The following RBM44 variants were observed in gnomAD, a reference collection of about 807,000 sequenced individuals.
The protein encoded by RBM44 is RNA-binding protein 44.
A neutral mutation model predicts 105.1 loss-of-function variants in RBM44; 66 were observed. The observed-to-expected ratio is 0.63, with a 90% CI of 0.52 to 0.77. The LOEUF is 0.77. Ranked by LOEUF, RBM44 falls within the 30% of genes least tolerant of loss-of-function variation. The pLI, the probability that RBM44 is intolerant of heterozygous loss-of-function variation, is 0.00. For missense variants in RBM44, 1,122 were observed against 1,207.8 expected, an observed-to-expected ratio of 0.93 and a Z score of 1.05; for synonymous variants, 365 against 417.6, an observed-to-expected ratio of 0.87 and a Z score of 1.54.
intron 1 of RBM44, among the ~76,000 whole-genome samples, chr2:237,804,513 G>A (rs981307804): frequency 6.6e-6 from 1 of 152,144 alleles, no homozygotes; most frequent in Non-Finnish European, 1.5e-5. Flanking sequence ...TTACATTGTG[G>A]TTTTGATTTG....
intron 8 of RBM44, among the ~76,000 whole-genome samples, chr2:237,823,064 G>A (rs1258568948): frequency 1.3e-5 from 2 of 151,462 alleles, no homozygotes; most frequent in Non-Finnish European, 1.5e-5. Flanking sequence ...ATAAGCATAC[G>A]CTAAATTAAA....
intron 15 of RBM44, among the ~76,000 whole-genome samples, chr2:237,838,441 A>G (rs549958744): frequency 6.6e-6 from 1 of 152,266 alleles, no homozygotes; most frequent in African/African-American, 2.4e-5. Context: ...TCAGAGGTAC[A>G]GGAGACATGA....
intron 14 of RBM44, 38 bp from the exon 15 acceptor site, chr2:237,834,239 GA>G: frequency 6.5e-7 from 1 of 1,540,342 alleles, no homozygotes; most frequent in Non-Finnish European, 8.8e-7. Flanking sequence ...TATTCCTTTG[GA>G]AAAGACAAAT....
intron 15 of RBM44, among the ~76,000 whole-genome samples, chr2:237,839,337 G>A (rs1188281468): frequency 1.3e-5 from 2 of 152,010 alleles, no homozygotes; most frequent in African/African-American, 2.4e-5. Flanking sequence ...ACAATGGCGC[G>A]ATCTCAGCTC....
chr2:237,804,732 C>T (rs908039738), intron 1 of RBM44, among the ~76,000 whole-genome samples: 1 of 152,124 alleles, frequency 6.6e-6, no homozygotes, highest in Non-Finnish European at 1.5e-5. Flanking sequence ...AAATATCTTC[C>T]CCCATTCTAT....
chr2:237,824,788 G>T (rs1427017351), intron 10 of RBM44, among the ~76,000 whole-genome samples: 2 of 152,076 alleles, frequency 1.3e-5, no homozygotes, highest in African/African-American at 4.8e-5. Context: ...TGTCAAATTG[G>T]TGTTAATGAT....
rs781117661 is a variant in RBM44 at position 237,820,342 on chromosome 2, G to A, written c.1904G>A (p.Gly635Glu). 3 of 1,569,736 alleles carry A rather than the reference G, an allele frequency of 1.9e-6. No homozygotes were observed. The highest frequency in any genetic ancestry group is 2.6e-6 in the Non-Finnish European group (3 of 1,152,674). Residue 635 changes from glycine (G) to glutamate (E), a missense_variant, in exon 5 of 16, where the codon GGA (glycine) becomes GAA (glutamate). Around this residue, in one of 3 missense-constraint regions of RBM44, gnomAD observed 918 missense variants for 955.3 expected, o/e 0.96. Transcript: ENST00000316997. ...AAACTTGTCATGGAAAATAGGGAAG[G>A]ATTAAATATGTGTTTATTAATTTCA... is the stretch of plus-strand genomic sequence containing the variant. ...IYKLVMENREGLNMNLSSNSA... is the reference protein window; with the variant it reads ...IYKLVMENREELNMNLSSNSA...
chr2:237,801,210 A>G (rs186830733), intron 1 of RBM44, among the ~76,000 whole-genome samples: 63 of 152,202 alleles, frequency 4.1e-4, no homozygotes, highest in African/African-American at 1.4e-3. Flanking sequence ...TAGTTCAGCC[A>G]TTTGGGAGGC....
At chr2:237,830,421 G>C (rs1328744675) in intron 13 of RBM44, among the ~76,000 whole-genome samples, 2 of 151,854 alleles carry the variant, frequency 1.3e-5, no homozygotes, top group Non-Finnish European at 2.9e-5. Context: ...TCCCTTAACA[G>C]TGTCTTTCTC....
At position 237,841,846 on chromosome 2, in the gene RBM44, T is replaced by A. The variant is rs1366625223; in HGVS notation, c.*30T>A. The A allele has an allele frequency of 6.6e-6, 1 of 152,188 alleles. No homozygotes were observed. Among genetic ancestry groups the A allele is most frequent in the East Asian group, 1.9e-4 (1 of 5,202 alleles). 9.4% of individuals were successfully genotyped at this position (152,188 alleles called of 1,614,324 possible). On this transcript the variant is annotated 3_prime_UTR_variant, in exon 16 of 16. Transcript: ENST00000316997. This position sits in a 1 kb window ranked among gnomAD's most constrained non-coding sequence, Gnocchi z 4.5. The stretch of plus-strand genomic sequence containing the variant: ...CCTTTCTTTTGATTCTAGAACTTCC[T>A]TGGAAAGTGTGTTTCCTCCTTCAGA...
chr2:237,829,259 A>AG lies in RBM44; in HGVS notation c.2644dup (p.Ala882GlyfsTer21). The AG allele has an allele frequency of 6.2e-7, 1 of 1,612,856 alleles. No homozygotes were observed. Among genetic ancestry groups the AG allele is most frequent in the Non-Finnish European group, 8.5e-7 (1 of 1,179,266 alleles). On this transcript the variant is annotated frameshift_variant, in exon 13 of 16. Transcript: ENST00000316997. LOFTEE classifies it high-confidence loss of function. ...TTACAAAAAACAGCGATGCAAAGAT[A>AG]GCTGTGAAAGAAATGAATGGGATAG...
intron 1 of RBM44, among the ~76,000 whole-genome samples, chr2:237,810,245 C>G (rs2061643189): frequency 6.6e-6 from 1 of 152,204 alleles, no homozygotes. Context: ...CAATGCAGCT[C>G]TAGGTAATTT....
chr2:237,818,647 G>A lies in RBM44; in HGVS notation c.1677+51G>A. On this transcript the variant is annotated intron_variant, in intron 3 of 15. Transcript: ENST00000316997. The surrounding 1 kb of genome is among the most constrained non-coding windows in gnomAD (Gnocchi z 4.6). The stretch of plus-strand genomic sequence containing the variant: ...AATTTGGACTTTATAAAGAGACAGT[G>A]TATGCTAATGTAAGTGTTTTTGGTT... 4 of 1,234,030 alleles carry A rather than the reference G, an allele frequency of 3.2e-6. No homozygotes were observed. The highest frequency in any genetic ancestry group is 4.4e-6 in the Non-Finnish European group (4 of 911,638). The allele number at this position is 1,234,030 out of a possible 1,614,324, so 76.4% of individuals were successfully genotyped here. A position where few individuals can be genotyped will look rare whatever the true frequency, so the allele number is the denominator to read the frequency against.
chr2:237,821,419 T>G, intron 7 of RBM44, 51 bp downstream of exon 7: 1 of 1,324,228 alleles, frequency 7.6e-7, no homozygotes, highest in South Asian at 1.3e-5. Context: ...TAAAAATTGC[T>G]TAATTCAGTT....
chr2:237,838,077 G>A (rs531514268), intron 15 of RBM44, among the ~76,000 whole-genome samples: 21 of 152,248 alleles, frequency 1.4e-4, no homozygotes, highest in Middle Eastern at 3.4e-3. Flanking sequence ...CTTCATTGTT[G>A]TCTTATTTTA....
At chr2:237,833,739 T>C (rs764685128) in intron 13 of RBM44, among the ~76,000 whole-genome samples, 8 of 152,170 alleles carry the variant, frequency 5.3e-5, no homozygotes, top group Non-Finnish European at 7.4e-5. Context: ...AGGAATCTGG[T>C]TGAGAAAGCC....
rs1420182125 is a variant in RBM44, at chr2:237,829,199, T to C, written c.2601-18T>C. On this transcript the variant is annotated intron_variant, in intron 12 of 15. Transcript: ENST00000316997. ...GAAGTCATTAACAACCTTTTGGTTT[T>C]CTGCTCTTATGTTTTAGATATGCAT... 1 of 1,575,710 alleles carries C rather than the reference T, an allele frequency of 6.3e-7. No individual in the cohort carries two copies. Among genetic ancestry groups the C allele is most frequent in the East Asian group, 2.3e-5 (1 of 44,346 alleles).
chr2:237,837,479 T>C (rs1034599434), intron 15 of RBM44, among the ~76,000 whole-genome samples: 6 of 152,286 alleles, frequency 3.9e-5, no homozygotes, highest in Middle Eastern at 3.4e-3. Context: ...AGAAGTTGAA[T>C]GCAACTCATG....
chr2:237,816,795 A>T (rs781281892), intron 2 of RBM44, among the ~76,000 whole-genome samples, 198 bp from the exon 3 acceptor site: 4 of 152,090 alleles, frequency 2.6e-5, no homozygotes, highest in Non-Finnish European at 4.4e-5. Flanking sequence ...CATTTCCAAC[A>T]TATGGGTCTG....
Sources: allele counts gnomAD v4.1 joint callset (sites outside exome capture counted in the v4.1 genomes callset), GRCh38; gene constraint gnomAD v4.1.1; regional missense constraint gnomAD v4.1.1; non-coding constraint Gnocchi (gnomAD v3.1); transcripts MANE v1.5; gene names NCBI Gene and HGNC (gene_info 2026-07-23, HGNC 2026-07-21).